The following SIK3 variants were observed in gnomAD, a reference collection of about 807,000 sequenced individuals.
SIK3 encodes the protein serine/threonine-protein kinase SIK3.
Under a neutral mutation model 144.2 loss-of-function variants are expected in SIK3, and 28 were observed. The ratio of observed to expected loss-of-function variants is 0.19; its 90% confidence interval spans 0.14 to 0.27. The LOEUF is 0.27. Among genes scored for constraint, SIK3 ranks in the 10% least tolerant of loss-of-function variants. SIK3 has a pLI of 1.00. For missense variants in SIK3, 1,319 were observed against 1,776.0 expected (o/e 0.74, Z 4.62); for synonymous variants, 686 against 676.3 (o/e 1.01, Z -0.22).
chr11:116,854,374 A>C (rs1423192593), intron 21 of SIK3, among the ~76,000 whole-genome samples: 6 of 152,230 alleles, frequency 3.9e-5, no homozygotes. Context: ...AAAGTAACTA[A>C]ATAACACCAA....
chr11:116,866,711 A>T (rs1349792456), intron 15 of SIK3, among the ~76,000 whole-genome samples: 1 of 152,072 alleles, frequency 6.6e-6, no homozygotes, highest in Non-Finnish European at 1.5e-5. Flanking sequence ...AAGTGCTGGG[A>T]TTGCAGGCGT....
intron 6 of SIK3, among the ~76,000 whole-genome samples, chr11:116,886,631 C>T (rs978327199): frequency 6.6e-6 from 1 of 152,204 alleles, no homozygotes; most frequent in Non-Finnish European, 1.5e-5. Context: ...TATGCCTTCA[C>T]TAACGCTGCA....
At chr11:117,011,986 C>G (rs769451214) in intron 1 of SIK3, among the ~76,000 whole-genome samples, 1 of 152,026 alleles carries the variant, frequency 6.6e-6, no homozygotes, top group Non-Finnish European at 1.5e-5. Context: ...CCCCTAAACA[C>G]TTTTTATTTT....
rs182090452 is a variant in SIK3 at position 116,863,334 on chromosome 11, T to G, written c.2103+334A>C. Among the ~76,000 whole-genome samples the G allele has an allele frequency of 2.8e-3, 419 of 152,274 alleles. 1 individual carries two copies. The highest frequency in any genetic ancestry group is 9.4e-3 in the African/African-American group (389 of 41,554). On this transcript the variant is annotated intron_variant, in intron 16 of 24. Coordinates refer to ENST00000445177, the MANE Select transcript of SIK3 (RefSeq NM_001366686.3). ...GGTGTGATCTTAGCTTACTACAACC[T>G]CTACCTCCCAGGTTCAAGTGATCCT...
chr11:117,090,275 A>T (rs762925454), intron 1 of SIK3, among the ~76,000 whole-genome samples: 5 of 152,010 alleles, frequency 3.3e-5, no homozygotes, highest in Middle Eastern at 3.2e-3. Context: ...GGAACCAGGG[A>T]CTCACCTACC....
At chr11:116,993,974 T>A (rs1321594327) in intron 1 of SIK3, among the ~76,000 whole-genome samples, 1 of 152,260 alleles carries the variant, frequency 6.6e-6, no homozygotes, top group Non-Finnish European at 1.5e-5. Flanking sequence ...TGTGCATGTA[T>A]TCTTTCAGAG....
chr11:117,068,704 T>C (rs1183920241), intron 1 of SIK3, among the ~76,000 whole-genome samples: 1 of 152,188 alleles, frequency 6.6e-6, no homozygotes, highest in African/African-American at 2.4e-5. Context: ...CAGTGAGCCA[T>C]AAATGCACCA....
intron 4 of SIK3, among the ~76,000 whole-genome samples, chr11:116,908,469 A>ACCCTATCAGTGAGT (rs1946169149): frequency 6.6e-6 from 1 of 152,098 alleles, no homozygotes; most frequent in Non-Finnish European, 1.5e-5. Flanking sequence ...ATGGAGTGAG[A>ACCCTATCAGTGAGT]CCCTATCTCA....
At chr11:117,044,437 T>A (rs955646260) in intron 1 of SIK3, among the ~76,000 whole-genome samples, 2 of 152,156 alleles carry the variant, frequency 1.3e-5, no homozygotes, top group African/African-American at 4.8e-5. Context: ...TAATTATGAT[T>A]CATTTAGACA....
chr11:116,844,619 A>ATATATATATTATAT lies in SIK3; in HGVS notation c.*1023_*1024insATATAATATATATA, dbSNP rs1565345209. On this transcript the variant is annotated 3_prime_UTR_variant, in exon 25 of 25. Transcript: ENST00000445177. The stretch of plus-strand genomic sequence containing the variant: ...ATTTTATATATATATTATATATATA[A>ATATATATATTATAT]TATATATATAATATATTATATTATA... 36 of 40,450 alleles carry ATATATATATTATAT rather than the reference A, an allele frequency of 8.9e-4. No individual in the cohort carries two copies. The highest frequency in any genetic ancestry group is 1.4e-3 in the Non-Finnish European group (30 of 20,954). 2.5% of individuals were successfully genotyped at this position (40,450 alleles called of 1,614,324 possible). A position where few individuals can be genotyped will look rare whatever the true frequency, so the allele number is the denominator to read the frequency against.
intron 1 of SIK3, among the ~76,000 whole-genome samples, chr11:117,088,232 T>C (rs1346681043): frequency 6.6e-6 from 1 of 152,136 alleles, no homozygotes; most frequent in Non-Finnish European, 1.5e-5. Context: ...AGCGAAACCC[T>C]ATCTCAAAAA....
intron 21 of SIK3, among the ~76,000 whole-genome samples, chr11:116,856,213 A>G (rs1046512876): frequency 1.3e-5 from 2 of 150,262 alleles, no homozygotes; most frequent in South Asian, 2.1e-4. Context: ...AAAAAAAAAA[A>G]GAAACGTGAG....
chr11:116,899,185 C>T (rs1210550840), intron 4 of SIK3, among the ~76,000 whole-genome samples: 2 of 152,094 alleles, frequency 1.3e-5, no homozygotes, highest in Non-Finnish European at 2.9e-5. Flanking sequence ...CAGCTTTCTA[C>T]ATATGGCTAG....
intron 3 of SIK3, among the ~76,000 whole-genome samples, chr11:116,947,232 T>TATATAATATATAATATATAA (rs1948688303): frequency 6.1e-4 from 5 of 8,240 alleles, no homozygotes; most frequent in Non-Finnish European, 1.2e-3. Flanking sequence ...TAATTATTTA[T>TATATAATATATAATATATAA]ATATTTTATA....
intron 1 of SIK3, among the ~76,000 whole-genome samples, chr11:116,977,325 C>A (rs1949982807): frequency 6.6e-6 from 1 of 151,234 alleles, no homozygotes; most frequent in Non-Finnish European, 1.5e-5. Context: ...AAGGCATCCT[C>A]CCTCCTCAGT....
chr11:116,974,150 C>A (rs1375009704), intron 1 of SIK3, among the ~76,000 whole-genome samples: 1 of 152,212 alleles, frequency 6.6e-6, no homozygotes, highest in African/African-American at 2.4e-5. Context: ...TTCTACACAT[C>A]TAAAGCTATT....
chr11:117,041,205 C>G (rs1952729052), intron 1 of SIK3, among the ~76,000 whole-genome samples: 2 of 152,016 alleles, frequency 1.3e-5, no homozygotes, highest in South Asian at 2.1e-4. Flanking sequence ...TGGGGGATAG[C>G]AGGAAGTACT....
intron 3 of SIK3, among the ~76,000 whole-genome samples, chr11:116,947,369 A>G (rs1470043076): frequency 1.4e-5 from 2 of 148,076 alleles, no homozygotes; most frequent in Non-Finnish European, 3.0e-5. Context: ...AGTCCGAACA[A>G]TAGAAGAATC....
At chr11:116,994,862 AAAC>A (rs1431897899) in intron 1 of SIK3, among the ~76,000 whole-genome samples, 1 of 151,280 alleles carries the variant, frequency 6.6e-6, no homozygotes, top group Admixed American at 6.7e-5. Context: ...TCCTCAAACA[AAAC>A]AGCCCCAAAT....
Sources: allele counts gnomAD v4.1 joint callset (sites outside exome capture counted in the v4.1 genomes callset), GRCh38; gene constraint gnomAD v4.1.1; transcripts MANE v1.5; gene names NCBI Gene and HGNC (gene_info 2026-07-23, HGNC 2026-07-21).